The following SLC9A7 variants were observed in gnomAD, a reference collection of about 807,000 sequenced individuals.
SLC9A7 encodes the protein solute carrier family 9 member A7, also known as sodium/hydrogen exchanger 7.
Under a neutral mutation model 52.6 loss-of-function variants are expected in SLC9A7, and 19 were observed. The ratio of observed to expected loss-of-function variants is 0.36; its 90% confidence interval spans 0.25 to 0.53. The LOEUF is 0.53. Among genes scored for constraint, SLC9A7 ranks in the 20% least tolerant of loss-of-function variants. The pLI is 0.91. For synonymous variants in SLC9A7, 226 were observed against 252.1 expected, an observed-to-expected ratio of 0.90 and a Z score of 0.98; for missense variants, 455 against 597.9, an observed-to-expected ratio of 0.76 and a Z score of 2.49.
chrX:46,654,958 CT>C (rs1367939233), intron 7 of SLC9A7, among the ~76,000 whole-genome samples: 10 of 89,306 alleles, frequency 1.1e-4, no homozygotes, highest in African/African-American at 3.7e-4. Context: ...CACTGTATTT[CT>C]TTTTTTCTTT....
chrX:46,713,776 G>A lies in SLC9A7; in HGVS notation c.326-31241C>T, dbSNP rs1252586505. 2.3e-4 allele frequency among the ~76,000 whole-genome samples: 25 copies of A among 110,175 alleles called. No homozygotes were observed. The Admixed American group carries it at 2.4e-3, about 11-fold the overall frequency. On this transcript the variant is annotated intron_variant, in intron 1 of 16. Coordinates refer to ENST00000616978, the MANE Select transcript of SLC9A7 (RefSeq NM_001257291.2). The stretch of plus-strand genomic sequence containing the variant: ...GGTACTTTCAGAGACCACACTATTA[G>A]TGACTCTAGTATTATTAGGGGATTT...
rs764884880 is a variant in SLC9A7 at position 46,622,336 on chromosome X, A to G, written c.1741-1277T>C. 3.6e-5 allele frequency among the ~76,000 whole-genome samples: 4 copies of G among 111,901 alleles called. No individual in the cohort carries two copies. In the South Asian group the frequency reaches 1.5e-3, roughly 42 times the overall value. On this transcript the variant is annotated intron_variant, in intron 14 of 16. Coordinates refer to ENST00000616978, the MANE Select transcript of SLC9A7 (RefSeq NM_001257291.2). ...TTGCAGGGTGACTGATTGCTAACCCAATGACAACTCTGGGAAGATTCCAAA... is the reference window on the plus strand; with the variant it reads ...TTGCAGGGTGACTGATTGCTAACCCGATGACAACTCTGGGAAGATTCCAAA...
chrX:46,682,302 T>A, intron 2 of SLC9A7, 34 bp downstream of exon 2: 1 of 1,179,526 alleles, frequency 8.5e-7, no homozygotes, highest in Non-Finnish European at 1.2e-6. Flanking sequence ...AACAACCATG[T>A]CAGGACAAGG....
intron 1 of SLC9A7, among the ~76,000 whole-genome samples, chrX:46,740,959 C>T (rs747806852): frequency 1.6e-4 from 17 of 107,607 alleles, no homozygotes; most frequent in Non-Finnish European, 1.7e-4. Context: ...TTACAGGATA[C>T]AAGACTCATA....
chrX:46,752,072 T>C (rs1922272975), intron 1 of SLC9A7, among the ~76,000 whole-genome samples: 3 of 112,030 alleles, frequency 2.7e-5, no homozygotes, highest in Non-Finnish European at 5.6e-5. Context: ...GAAGAGTATA[T>C]AAAGCATACC....
In SLC9A7 at chrX:46,668,543, C is replaced by T. The variant is rs762307576; in HGVS notation, c.793+1064G>A. ...CAAAACAAAAAAAAAACATGCTATA[C>T]AGATACAATGGAATATTATTCAGCC... On this transcript the variant is annotated intron_variant, in intron 5 of 16. Coordinates refer to ENST00000616978, the MANE Select transcript of SLC9A7 (RefSeq NM_001257291.2). Among the ~76,000 whole-genome samples, 7 of 111,345 alleles carry T rather than the reference C, an allele frequency of 6.3e-5. No individual in the cohort carries two copies. The South Asian group carries it at 2.6e-3, about 42-fold the overall frequency.
chrX:46,621,561 G>C (rs1943047079), intron 14 of SLC9A7, among the ~76,000 whole-genome samples: 2 of 111,332 alleles, frequency 1.8e-5, no homozygotes, highest in Non-Finnish European at 3.8e-5. Flanking sequence ...TGTGCTCCAG[G>C]TGGTAAGGTA....
chrX:46,626,616 C>T (rs1943134245), intron 14 of SLC9A7, among the ~76,000 whole-genome samples: 1 of 112,668 alleles, frequency 8.9e-6, no homozygotes, highest in Non-Finnish European at 1.9e-5. Flanking sequence ...CCACAAGTCT[C>T]ATCTCAAGTT....
intron 5 of SLC9A7, among the ~76,000 whole-genome samples, chrX:46,665,579 A>G (rs1438985173): frequency 9.2e-6 from 1 of 108,371 alleles, no homozygotes; most frequent in Non-Finnish European, 1.9e-5. Flanking sequence ...AAAAAAAAAA[A>G]GAAATTGTTA....
At chrX:46,720,029 G>A (rs754501082) in intron 1 of SLC9A7, among the ~76,000 whole-genome samples, 22 of 111,344 alleles carry the variant, frequency 2.0e-4, no homozygotes, top group Non-Finnish European at 3.2e-4. Flanking sequence ...CTTCTGACAA[G>A]AACAAGATGA....
chrX:46,754,264 T>C (rs1556290468), intron 1 of SLC9A7, among the ~76,000 whole-genome samples: 2 of 111,619 alleles, frequency 1.8e-5, no homozygotes, highest in African/African-American at 6.5e-5. Context: ...CTTTAGAATA[T>C]CTCAATAACA....
chrX:46,670,091 A>T (rs1019473658), intron 4 of SLC9A7, among the ~76,000 whole-genome samples: 2 of 111,364 alleles, frequency 1.8e-5, no homozygotes, highest in African/African-American at 6.5e-5. Flanking sequence ...TTGCTACAAA[A>T]CTCATAAGAC....
At chrX:46,737,595 A>G (rs1442265000) in intron 1 of SLC9A7, among the ~76,000 whole-genome samples, 1 of 112,211 alleles carries the variant, frequency 8.9e-6, no homozygotes, top group African/African-American at 3.2e-5. Context: ...TGAAACCAGA[A>G]GTCTGTTTAT....
At chrX:46,668,891 G>C (rs751780583) in intron 5 of SLC9A7, among the ~76,000 whole-genome samples, 2 of 111,698 alleles carry the variant, frequency 1.8e-5, no homozygotes, top group Admixed American at 1.9e-4. Context: ...AGATAGGCTG[G>C]GCACGGTGGC....
intron 5 of SLC9A7, among the ~76,000 whole-genome samples, chrX:46,665,276 A>G (rs192204715): frequency 9.6e-4 from 107 of 111,536 alleles, no homozygotes; most frequent in Middle Eastern, 4.6e-3. Context: ...AGTGGGAAAA[A>G]CAAAAGAATG....
At chrX:46,749,569 A>AT (rs1425250401) in intron 1 of SLC9A7, among the ~76,000 whole-genome samples, 1 of 111,200 alleles carries the variant, frequency 9.0e-6, no homozygotes, top group Non-Finnish European at 1.9e-5. Context: ...AGCTCTTAAC[A>AT]TTTTTTCCCC....
chrX:46,684,245 C>A (rs973534467), intron 1 of SLC9A7, among the ~76,000 whole-genome samples: 1 of 112,118 alleles, frequency 8.9e-6, no homozygotes, highest in African/African-American at 3.2e-5. Context: ...CACTTTGTCA[C>A]CCAGGCTGGA....
At chrX:46,716,299 T>G (rs1325955526) in intron 1 of SLC9A7, among the ~76,000 whole-genome samples, 1 of 111,889 alleles carries the variant, frequency 8.9e-6, no homozygotes, top group Non-Finnish European at 1.9e-5. Flanking sequence ...ATGCTTATTT[T>G]GAGCACGCAA....
At position 46,757,408 on chromosome X, in the gene SLC9A7, G is replaced by A. The variant is rs1361191166; in HGVS notation, c.325+1297C>T. On this transcript the variant is annotated intron_variant, in intron 1 of 16. Coordinates refer to ENST00000616978, the MANE Select transcript of SLC9A7 (RefSeq NM_001257291.2). ...TCAAAACTGGAGGGCTCTTAACAGCGCTTGCCCCTTACACGGTTTGGCTGC... is the reference window on the plus strand; with the variant it reads ...TCAAAACTGGAGGGCTCTTAACAGCACTTGCCCCTTACACGGTTTGGCTGC... Among the ~76,000 whole-genome samples the A allele has an allele frequency of 6.2e-5, 7 of 112,578 alleles. No individual in the cohort carries two copies. The South Asian group carries it at 1.1e-3, about 18-fold the overall frequency.
Sources: gnomAD v4.1 joint callset for allele counts (sites outside exome capture counted in the v4.1 genomes callset) on GRCh38, gnomAD v4.1.1 for gene constraint, MANE v1.5 for transcripts, NCBI Gene and HGNC (gene_info 2026-07-23, HGNC 2026-07-21) for gene names.